PTPRN2: variants seen among roughly 807,000 people sequenced by gnomAD.
The protein encoded by PTPRN2 is receptor-type tyrosine-protein phosphatase N2.
In PTPRN2, 74 loss-of-function variants were observed where a neutral mutation model predicts 118.8. The ratio of observed to expected loss-of-function variants is 0.62; its 90% CI spans 0.52 to 0.76. The LOEUF (loss-of-function observed/expected upper bound fraction) is 0.76. Among genes scored for constraint, PTPRN2 ranks in the 30% least tolerant of loss-of-function variants. The probability of loss-of-function intolerance (pLI) is 0.00; values close to 1 mark genes in which losing one functional copy is unlikely to be tolerated. For synonymous variants in PTPRN2, 641 were observed against 608.0 expected, an observed-to-expected ratio of 1.05 and a Z score of -0.80; for missense variants, 1,481 against 1,394.4, an observed-to-expected ratio of 1.06 and a Z score of -0.99.
intron 1 of PTPRN2, among the ~76,000 whole-genome samples, chr7:158,558,306 T>A (rs1041089939): frequency 3.3e-5 from 5 of 152,202 alleles, no homozygotes; most frequent in Non-Finnish European, 7.3e-5. Flanking sequence ...AATTCTTACA[T>A]AACAGGTAAC....
chr7:158,151,123 C>G (rs1174609358), intron 6 of PTPRN2, among the ~76,000 whole-genome samples: 11 of 99,024 alleles, frequency 1.1e-4, no homozygotes, highest in Admixed American at 9.7e-5. Context: ...TACCCCTGCC[C>G]ACACCGCCCG....
At chr7:157,722,503 G>A (rs1159176394) in intron 12 of PTPRN2, among the ~76,000 whole-genome samples, 1 of 152,232 alleles carries the variant, frequency 6.6e-6, no homozygotes, top group Non-Finnish European at 1.5e-5. Context: ...CAGACGAGCA[G>A]TGAATGAAGA....
intron 11 of PTPRN2, among the ~76,000 whole-genome samples, chr7:157,954,634 G>A (rs4716828): frequency 0.58 from 87,534 of 150,468 alleles, 25,698 homozygotes; most frequent in Admixed American, 0.66. Context: ...TGTGTGAGAG[G>A]AGTGGTCTCA....
At chr7:158,204,934 C>A (rs1337713466) in intron 4 of PTPRN2, among the ~76,000 whole-genome samples, 2 of 152,146 alleles carry the variant, frequency 1.3e-5, no homozygotes, top group Non-Finnish European at 2.9e-5. Context: ...TTCTAAGAGT[C>A]TCATGGAAAA....
intron 2 of PTPRN2, among the ~76,000 whole-genome samples, chr7:158,381,185 C>T (rs763063248): frequency 2.0e-5 from 3 of 152,218 alleles, no homozygotes; most frequent in Admixed American, 6.5e-5. Flanking sequence ...CAAATTTCCA[C>T]AGCTGGCTTG....
chr7:157,914,160 T>C (rs907457165), intron 11 of PTPRN2, among the ~76,000 whole-genome samples: 1 of 152,228 alleles, frequency 6.6e-6, no homozygotes, highest in African/African-American at 2.4e-5. Context: ...TCCTCTCTTT[T>C]TTAAAATCAC....
chr7:158,139,487 G>C (rs1169726800), intron 6 of PTPRN2, among the ~76,000 whole-genome samples: 1 of 151,172 alleles, frequency 6.6e-6, no homozygotes, highest in African/African-American at 2.5e-5. Flanking sequence ...GGAGTCAGGA[G>C]GGCACGGGGG....
At chr7:157,711,463 C>CGGGT (rs1563025848) in intron 12 of PTPRN2, among the ~76,000 whole-genome samples, 2 of 46,394 alleles carry the variant, frequency 4.3e-5, no homozygotes, top group Admixed American at 1.7e-4. Flanking sequence ...GTTTGTGCAC[C>CGGGT]TGCACACGGG....
chr7:157,976,904 G>A (rs948634285), intron 11 of PTPRN2, among the ~76,000 whole-genome samples: 4 of 151,818 alleles, frequency 2.6e-5, no homozygotes, highest in Admixed American at 6.6e-5. Flanking sequence ...CTCCCAAATC[G>A]TCAAAGCCAG....
chr7:158,566,382 A>G (rs1043585201), intron 1 of PTPRN2, among the ~76,000 whole-genome samples: 4 of 151,658 alleles, frequency 2.6e-5, no homozygotes, highest in Non-Finnish European at 5.9e-5. Flanking sequence ...GCCAAGCTTT[A>G]GCTCCTGAGC....
intron 11 of PTPRN2, among the ~76,000 whole-genome samples, chr7:158,065,165 G>C (rs564178929): frequency 6.6e-6 from 1 of 152,348 alleles, no homozygotes; most frequent in South Asian, 2.1e-4. Flanking sequence ...GGCTCTGACT[G>C]TCTGGTGGCA....
At chr7:157,545,505 G>C (rs1487669938) in intron 22 of PTPRN2, among the ~76,000 whole-genome samples, 1 of 151,920 alleles carries the variant, frequency 6.6e-6, no homozygotes, top group Non-Finnish European at 1.5e-5. Flanking sequence ...GCAGGTGTGT[G>C]GGTGTACACA....
At chr7:157,664,937 T>G (rs992180698) in intron 13 of PTPRN2, among the ~76,000 whole-genome samples, 2 of 152,262 alleles carry the variant, frequency 1.3e-5, no homozygotes, top group African/African-American at 2.4e-5. Flanking sequence ...GGGTGCATCC[T>G]CACCCGGAAC....
chr7:157,749,561 G>A (rs1401848834), intron 12 of PTPRN2, among the ~76,000 whole-genome samples: 1 of 130,308 alleles, frequency 7.7e-6, no homozygotes, highest in Non-Finnish European at 1.6e-5. Flanking sequence ...GAGCTGCGGG[G>A]TGTCTGGGTG....
At chr7:158,071,574 GAGGTGCTCCTGGTGGAGGTGCTCC>G (rs1563392079) in intron 11 of PTPRN2, among the ~76,000 whole-genome samples, 23 of 24,298 alleles carry the variant, frequency 9.5e-4, no homozygotes, top group African/African-American at 1.7e-3. Flanking sequence ...GCTCCTGGTG[GAGGTGCTCCTGGTGGAGGTGCTCC>G]TGGTGGAGGT....
intron 3 of PTPRN2, among the ~76,000 whole-genome samples, chr7:158,312,222 AGACACCC>A (rs1801847761): frequency 3.0e-5 from 1 of 33,712 alleles, no homozygotes; most frequent in Non-Finnish European, 9.2e-5. Flanking sequence ...ACGTGCTCAC[AGACACCC>A]ACACACATGC....
At chr7:157,895,894 C>A (rs936445935) in intron 12 of PTPRN2, among the ~76,000 whole-genome samples, 1 of 152,154 alleles carries the variant, frequency 6.6e-6, no homozygotes, top group Admixed American at 6.5e-5. Context: ...CCCCATTTGA[C>A]AACACAGGAA....
At chr7:157,774,195 A>T (rs1377668212) in intron 12 of PTPRN2, among the ~76,000 whole-genome samples, 1 of 152,218 alleles carries the variant, frequency 6.6e-6, no homozygotes, top group African/African-American at 2.4e-5. Flanking sequence ...AAAAACAGAC[A>T]ATCTATTTTT....
chr7:158,086,225 G>A (rs915300510), intron 10 of PTPRN2, among the ~76,000 whole-genome samples: 1 of 151,700 alleles, frequency 6.6e-6, no homozygotes, highest in Non-Finnish European at 1.5e-5. Flanking sequence ...CTGCTGAGGG[G>A]GAGTTAGGAA....
Sources: gnomAD v4.1 joint callset for allele counts (sites outside exome capture counted in the v4.1 genomes callset) on GRCh38, gnomAD v4.1.1 for gene constraint, MANE v1.5 for transcripts, NCBI Gene and HGNC (gene_info 2026-07-23, HGNC 2026-07-21) for gene names.